RAB6B: variants seen among roughly 807,000 people sequenced by gnomAD.
The protein encoded by RAB6B is ras-related protein Rab-6B.
In RAB6B, 7 loss-of-function variants were observed where a neutral mutation model predicts 31.2. The observed-to-expected ratio is 0.22, with a 90% confidence interval of 0.13 to 0.42. RAB6B has a LOEUF of 0.42. Ranked by LOEUF, RAB6B falls within the 10% of genes least tolerant of loss-of-function variation. The pLI is 1.00. For synonymous variants in RAB6B, 105 were observed against 104.9 expected, an observed-to-expected ratio of 1.00 and a Z score of -0.01; for missense variants, 149 against 280.6, an observed-to-expected ratio of 0.53 and a Z score of 3.35.
At chr3:133,858,617 G>T (rs1936115423) in intron 2 of RAB6B, among the ~76,000 whole-genome samples, 1 of 152,170 alleles carries the variant, frequency 6.6e-6, no homozygotes, top group Non-Finnish European at 1.5e-5. Context: ...TTGAACTAGG[G>T]CCACCCTAAT....
chr3:133,857,043 CA>C (rs144469478), intron 2 of RAB6B, among the ~76,000 whole-genome samples: 4,644 of 152,268 alleles, frequency 0.03, 225 homozygotes, highest in African/African-American at 0.1. Flanking sequence ...GGCAGAGCTG[CA>C]AAGCACAGCA....
intron 7 of RAB6B, among the ~76,000 whole-genome samples, chr3:133,831,923 C>T (rs1266153971): frequency 2.0e-5 from 3 of 152,222 alleles, no homozygotes; most frequent in Non-Finnish European, 4.4e-5. Flanking sequence ...TCTACTGCAG[C>T]ACAATCCTGT....
Position 133,851,821 on chromosome 3 carries a change from C to A in RAB6B, c.130-10158G>T, listed in dbSNP as rs115498090. Among the ~76,000 whole-genome samples the A allele has an allele frequency of 5.9e-3, 903 of 152,316 alleles. 8 individuals carry two copies. Among genetic ancestry groups the A allele is most frequent in the African/African-American group, 0.02 (852 of 41,566 alleles). ...ATTTGCATCTTCTCTGATGATAAAT[C>A]ATGGGCTTTGGGTGATGAAATAAAA... On this transcript the variant is annotated intron_variant, in intron 2 of 7. Transcript: ENST00000285208.
intron 2 of RAB6B, among the ~76,000 whole-genome samples, chr3:133,847,092 T>G (rs188274215): frequency 6.6e-6 from 1 of 152,356 alleles, no homozygotes; most frequent in African/African-American, 2.4e-5. Context: ...ACAGTAACAA[T>G]GACATCCACA....
intron 2 of RAB6B, among the ~76,000 whole-genome samples, chr3:133,848,296 G>T (rs1222810099): frequency 1.3e-5 from 2 of 152,144 alleles, no homozygotes; most frequent in Non-Finnish European, 2.9e-5. Context: ...TGAACTGGTT[G>T]CTTGGCCTCC....
chr3:133,866,531 C>T (rs1936239248), intron 1 of RAB6B, among the ~76,000 whole-genome samples: 1 of 152,228 alleles, frequency 6.6e-6, no homozygotes, highest in Non-Finnish European at 1.5e-5. Flanking sequence ...AACAACATTT[C>T]TGGGGTGAGC....
chr3:133,867,476 T>C (rs1037020883), intron 1 of RAB6B, among the ~76,000 whole-genome samples: 5 of 152,112 alleles, frequency 3.3e-5, no homozygotes, highest in African/African-American at 1.2e-4. Context: ...ACAACGGGCA[T>C]TAAGGTGACA....
In RAB6B at chr3:133,895,660, G is replaced by T; in HGVS notation, c.-194C>A. On this transcript the variant is annotated 5_prime_UTR_variant, in exon 1 of 8. Transcript: ENST00000285208. ...TGCGTGTCCGGCGGCGGAGGAGGAG[G>T]AGGAGAGAGAGGCGGAGGCGGAGGA... is the stretch of plus-strand genomic sequence containing the variant. 1 of 603,552 alleles carries T rather than the reference G, an allele frequency of 1.7e-6. No individual in the cohort carries two copies. The highest frequency in any genetic ancestry group is 2.9e-6 in the Non-Finnish European group (1 of 344,756). The allele number at this position is 603,552 out of a possible 1,614,324, so 37.4% of individuals were successfully genotyped here. A position where few individuals can be genotyped will look rare whatever the true frequency, so the allele number is the denominator to read the frequency against.
At chr3:133,874,529 TGA>T (rs1936366187) in intron 1 of RAB6B, among the ~76,000 whole-genome samples, 1 of 152,238 alleles carries the variant, frequency 6.6e-6, no homozygotes, top group African/African-American at 2.4e-5. Context: ...TCGTTCTGGG[TGA>T]GTCAGTCAGT....
Position 133,895,526 on chromosome 3 carries a change from G to A in RAB6B, c.-60C>T. The A allele has an allele frequency of 1.9e-6, 3 of 1,565,730 alleles. No individual in the cohort carries two copies. Among genetic ancestry groups the A allele is most frequent in the Non-Finnish European group, 2.6e-6 (3 of 1,140,754 alleles). ...GGAAAAAGCGAAGGAGCAGGGAGGG[G>A]AGAGTAGGAGGGCGAGGGGAGGCGG... On this transcript the variant is annotated 5_prime_UTR_variant, in exon 1 of 8. Coordinates refer to ENST00000285208, the MANE Select transcript of RAB6B (RefSeq NM_016577.4).
At chr3:133,839,763 A>G (rs1935793913) in intron 4 of RAB6B, 146 bp from the exon 5 acceptor site, 1 of 689,622 alleles carries the variant, frequency 1.5e-6, no homozygotes, top group African/African-American at 1.8e-5. Context: ...GTCAACACAG[A>G]TCAGCTGGGT....
At chr3:133,887,642 G>A (rs1398874616) in intron 1 of RAB6B, among the ~76,000 whole-genome samples, 1 of 152,324 alleles carries the variant, frequency 6.6e-6, no homozygotes, top group Non-Finnish European at 1.5e-5. Context: ...GGGATACACG[G>A]AGAAAGCCAG....
chr3:133,850,780 T>C (rs1336876838), intron 2 of RAB6B, among the ~76,000 whole-genome samples: 4 of 151,616 alleles, frequency 2.6e-5, no homozygotes, highest in African/African-American at 7.3e-5. Flanking sequence ...ATGAGACACA[T>C]TTACAGATTC....
chr3:133,828,947 C>T, intron 7 of RAB6B, 95 bp from the exon 8 acceptor site: 2 of 1,175,992 alleles, frequency 1.7e-6, no homozygotes, highest in Non-Finnish European at 2.4e-6. Flanking sequence ...TGCTCTGTTT[C>T]TCTGCAAACA....
intron 1 of RAB6B, among the ~76,000 whole-genome samples, chr3:133,871,864 A>G (rs1300992261): frequency 6.6e-6 from 1 of 152,216 alleles, no homozygotes; most frequent in Non-Finnish European, 1.5e-5. Flanking sequence ...ATCCACACTT[A>G]CCACACACAC....
chr3:133,886,345 T>C (rs1936547089), intron 1 of RAB6B, among the ~76,000 whole-genome samples: 1 of 152,250 alleles, frequency 6.6e-6, no homozygotes, highest in Admixed American at 6.5e-5. Context: ...TGCCTGCTTA[T>C]TGTGGGCCAA....
In RAB6B at chr3:133,828,603, G is replaced by T. The variant is rs938721761; in HGVS notation, c.*185C>A. ...AAAAATAGTTGTTTAAGTAACAGCC[G>T]TTAAGAGTGATGTGATCCCTGATGC... is the stretch of plus-strand genomic sequence containing the variant. On this transcript the variant is annotated 3_prime_UTR_variant, in exon 8 of 8. Coordinates refer to ENST00000285208, the MANE Select transcript of RAB6B (RefSeq NM_016577.4). 1 of 692,054 alleles carries T rather than the reference G, an allele frequency of 1.4e-6. No homozygotes were observed. Among genetic ancestry groups the T allele is most frequent in the Admixed American group, 2.2e-5 (1 of 44,538 alleles). 42.9% of individuals were successfully genotyped at this position (692,054 alleles called of 1,614,324 possible).
Position 133,827,830 on chromosome 3 carries a change from G to T in RAB6B, c.*958C>A, listed in dbSNP as rs961042670. The T allele has an allele frequency of 4.8e-6, 3 of 619,714 alleles. No homozygotes were observed. The highest frequency in any genetic ancestry group is 9.1e-6 in the Non-Finnish European group (3 of 330,394). 38.4% of individuals were successfully genotyped at this position (619,714 alleles called of 1,614,324 possible). On this transcript the variant is annotated 3_prime_UTR_variant, in exon 8 of 8. Coordinates refer to ENST00000285208, the MANE Select transcript of RAB6B (RefSeq NM_016577.4). ...CTGACATCCAGGAGGAAGGCTTCAG[G>T]ATGGCACACTGCCCAACATCACACA... is the stretch of plus-strand genomic sequence containing the variant.
At chr3:133,875,511 G>T (rs1936382937) in intron 1 of RAB6B, among the ~76,000 whole-genome samples, 1 of 152,180 alleles carries the variant, frequency 6.6e-6, no homozygotes, top group South Asian at 2.1e-4. Flanking sequence ...GGTGACTCCA[G>T]TTAATAATAA....
Sources: gnomAD v4.1 joint callset for allele counts (sites outside exome capture counted in the v4.1 genomes callset) on GRCh38, gnomAD v4.1.1 for gene constraint, MANE v1.5 for transcripts, NCBI Gene and HGNC (gene_info 2026-07-23, HGNC 2026-07-21) for gene names.